The following TRIM37 variants were observed in gnomAD, a reference collection of about 807,000 sequenced individuals.
The protein encoded by TRIM37 is tripartite motif containing 37.
A neutral mutation model predicts 129.8 loss-of-function variants in TRIM37; 80 were observed. That is an observed-to-expected ratio of 0.62 (90% CI 0.51 to 0.74). The LOEUF (loss-of-function observed/expected upper bound fraction) is 0.74. Ranked by LOEUF, TRIM37 falls within the 30% of genes least tolerant of loss-of-function variation. The probability of loss-of-function intolerance (pLI) is 0.00; values close to 1 mark genes in which losing one functional copy is unlikely to be tolerated. For missense variants in TRIM37, 1,054 were observed against 1,176.5 expected (o/e 0.90, Z 1.52); for synonymous variants, 389 against 387.1 (o/e 1.00, Z -0.06).
chr17:59,042,035 G>A, intron 16 of TRIM37, 137 bp from the exon 17 acceptor site: 1 of 688,340 alleles, frequency 1.5e-6, no homozygotes, highest in South Asian at 1.7e-5. Context: ...AAAGATTTTT[G>A]TCATTTTCCA....
intron 22 of TRIM37, among the ~76,000 whole-genome samples, chr17:59,003,709 A>G (rs781220094): frequency 6.6e-6 from 1 of 151,820 alleles, no homozygotes; most frequent in Non-Finnish European, 1.5e-5. Flanking sequence ...TCAGCATATG[A>G]AAAACCAGGA....
At chr17:59,093,106 C>T (rs1316002339) in intron 2 of TRIM37, among the ~76,000 whole-genome samples, 2 of 151,996 alleles carry the variant, frequency 1.3e-5, no homozygotes, top group East Asian at 1.9e-4. Flanking sequence ...GCCGAGACAG[C>T]GCCACGGCAC....
At chr17:59,043,766 C>G (rs1437096185) in intron 16 of TRIM37, among the ~76,000 whole-genome samples, 2 of 152,174 alleles carry the variant, frequency 1.3e-5, no homozygotes, top group Non-Finnish European at 2.9e-5. Context: ...AAGGAAAGAA[C>G]TAAGGCTACT....
the TRIM37 span, among the ~76,000 whole-genome samples, chr17:58,972,551 A>G: frequency 2.0e-5 from 3 of 152,092 alleles, no homozygotes; most frequent in Non-Finnish European, 4.4e-5. Flanking sequence ...GGGTTTCACC[A>G]TGTTGGCCAG....
intron 17 of TRIM37, among the ~76,000 whole-genome samples, chr17:59,037,557 CAAAAAAAAAAAA>C (rs58856834): frequency 0.058 from 4,243 of 73,712 alleles, 212 homozygotes; most frequent in African/African-American, 0.2. Flanking sequence ...GACTCTGTCT[CAAAAAAAAAAAA>C]AAAAAAAAAA....
At chr17:59,004,368 C>G (rs893100144) in intron 22 of TRIM37, among the ~76,000 whole-genome samples, 15 of 151,590 alleles carry the variant, frequency 9.9e-5, no homozygotes, top group African/African-American at 3.4e-4. Flanking sequence ...GAGAAAATAT[C>G]TCAAATCAAT....
intron 24 of TRIM37, among the ~76,000 whole-genome samples, chr17:58,992,097 C>T (rs547892309): frequency 3.2e-4 from 48 of 151,806 alleles, no homozygotes; most frequent in Admixed American, 8.5e-4. Flanking sequence ...ACTCACAGAA[C>T]TCAGAAATGC....
rs1204586647 is a variant in TRIM37 at position 59,003,673 on chromosome 17, A to ATG, written c.2696-1961_2696-1960dup. Among the ~76,000 whole-genome samples the ATG allele has an allele frequency of 2.6e-5, 4 of 152,062 alleles. No homozygotes were observed. The South Asian group carries it at 8.3e-4, about 31-fold the overall frequency. On this transcript the variant is annotated intron_variant, in intron 22 of 23. Transcript: ENST00000262294. ...AAAAAAAAAAAAAAACCTAATGAAA[A>ATG]TGTTCAGGATACAACCCCAAATTAT...
chr17:59,073,371 G>A (rs758531895), intron 8 of TRIM37, among the ~76,000 whole-genome samples: 4 of 151,636 alleles, frequency 2.6e-5, no homozygotes, highest in South Asian at 4.2e-4. Flanking sequence ...TCGGCTCACC[G>A]CAGCCTCTGC....
downstream of TRIM37, among the ~76,000 whole-genome samples, chr17:58,979,674 G>C (rs1005961512): frequency 3.3e-5 from 5 of 152,156 alleles, no homozygotes; most frequent in Admixed American, 2.0e-4. Flanking sequence ...TTTTAGATCT[G>C]ACATTGTTGT....
chr17:59,004,507 G>T (rs1348490240), intron 22 of TRIM37, among the ~76,000 whole-genome samples: 1 of 152,004 alleles, frequency 6.6e-6, no homozygotes, highest in East Asian at 1.9e-4. Context: ...ACAAAATGGT[G>T]TTTCTTTGAA....
intron 13 of TRIM37, among the ~76,000 whole-genome samples, chr17:59,055,914 CT>C (rs1380031496): frequency 6.6e-6 from 1 of 152,000 alleles, no homozygotes; most frequent in African/African-American, 2.4e-5. Flanking sequence ...ACATGTACCC[CT>C]GAACCTAAAA....
rs763661189 is a variant in TRIM37, at chr17:59,101,655, CAAAAAAAAAAAA to C, written c.123+2626_123+2637del. Among the ~76,000 whole-genome samples the C allele has an allele frequency of 4.3e-3, 254 of 58,766 alleles. 1 individual carries two copies. The highest frequency in any genetic ancestry group is 7.5e-3 in the Admixed American group (29 of 3,888). 38.6% of individuals were successfully genotyped at this position (58,766 alleles called of 152,430 possible). A position where few individuals can be genotyped will look rare whatever the true frequency, so the allele number is the denominator to read the frequency against. ...GCAACATAGTGAAACCCCATCTCTA[CAAAAAAAAAAAA>C]AAAAAAAAAAATATATATATATATA... On this transcript the variant is annotated intron_variant, in intron 2 of 23. Coordinates refer to ENST00000262294, the MANE Select transcript of TRIM37 (RefSeq NM_015294.6).
chr17:59,082,886 A>T lies in TRIM37; in HGVS notation c.369+1116T>A, dbSNP rs562850646. 2.0e-5 allele frequency among the ~76,000 whole-genome samples: 3 copies of T among 152,258 alleles called. No homozygotes were observed. The East Asian group carries it at 5.8e-4, about 29-fold the overall frequency. On this transcript the variant is annotated intron_variant, in intron 5 of 23. Coordinates refer to ENST00000262294, the MANE Select transcript of TRIM37 (RefSeq NM_015294.6). Reference sequence around the variant, plus strand: ...TTAAAGTATTAAATGTGAGAACTTAATTTTTTCTAGTTAGCACATTAATAT... The same window carrying T: ...TTAAAGTATTAAATGTGAGAACTTATTTTTTTCTAGTTAGCACATTAATAT...
chr17:59,101,100 T>C (rs958577055), intron 2 of TRIM37, among the ~76,000 whole-genome samples: 7 of 151,554 alleles, frequency 4.6e-5, no homozygotes, highest in African/African-American at 1.5e-4. Context: ...ATGTCAGTTA[T>C]ACCTAATAAA....
intron 24 of TRIM37, among the ~76,000 whole-genome samples, chr17:58,990,723 A>T (rs1416294528): frequency 7.0e-6 from 1 of 143,612 alleles, no homozygotes; most frequent in Non-Finnish European, 1.5e-5. Context: ...CCCGGGAGGC[A>T]GAGGTTGCAG....
At chr17:59,092,415 A>G (rs1298653401) in intron 2 of TRIM37, among the ~76,000 whole-genome samples, 1 of 151,882 alleles carries the variant, frequency 6.6e-6, no homozygotes, top group Non-Finnish European at 1.5e-5. Context: ...AAAAAAACAA[A>G]AAAAACGGTT....
At chr17:59,058,785 G>A (rs2041208707) in intron 12 of TRIM37, among the ~76,000 whole-genome samples, 1 of 151,916 alleles carries the variant, frequency 6.6e-6, no homozygotes, top group Non-Finnish European at 1.5e-5. Context: ...GATCACCTGG[G>A]CCCAGGAGGT....
intron 9 of TRIM37, among the ~76,000 whole-genome samples, chr17:59,065,544 CT>C (rs1387503268): frequency 6.6e-6 from 1 of 152,120 alleles, no homozygotes; most frequent in Non-Finnish European, 1.5e-5. Flanking sequence ...TGCTAACTAC[CT>C]TTAATCATGT....
Sources: allele counts gnomAD v4.1 joint callset (sites outside exome capture counted in the v4.1 genomes callset), GRCh38; gene constraint gnomAD v4.1.1; transcripts MANE v1.5; gene names NCBI Gene and HGNC (gene_info 2026-07-23, HGNC 2026-07-21).